ATP2B2: variants seen among roughly 807,000 people sequenced by gnomAD.
ATP2B2 encodes plasma membrane calcium-transporting ATPase 2.
Under a neutral mutation model 120.0 loss-of-function variants are expected in ATP2B2, and 15 were observed. That is an observed-to-expected ratio of 0.12 (90% CI 0.08 to 0.19). The LOEUF is 0.19. ATP2B2 is among the 10% of genes least tolerant of loss of function. The probability of loss-of-function intolerance (pLI) is 1.00; values close to 1 mark genes in which losing one functional copy is unlikely to be tolerated. For missense variants in ATP2B2, 1,045 were observed against 1,719.8 expected (o/e 0.61, Z 6.94); for synonymous variants, 694 against 700.3 (o/e 0.99, Z 0.14).
chr3:10,593,140 G>T (rs780897298), intron 2 of ATP2B2, among the ~76,000 whole-genome samples: 2 of 152,186 alleles, frequency 1.3e-5, no homozygotes, highest in Non-Finnish European at 2.9e-5. Context: ...CTGCTATCAG[G>T]TTAGAGATGG....
At chr3:10,591,101 C>G (rs1337828602) in intron 2 of ATP2B2, among the ~76,000 whole-genome samples, 1 of 152,010 alleles carries the variant, frequency 6.6e-6, no homozygotes, top group Non-Finnish European at 1.5e-5. Context: ...CCTAAGTCAA[C>G]TCACCCTTCT....
chr3:10,588,916 G>A (rs563367774), intron 2 of ATP2B2, among the ~76,000 whole-genome samples: 26 of 152,316 alleles, frequency 1.7e-4, no homozygotes, highest in African/African-American at 5.5e-4. Flanking sequence ...AGTTGTCTGC[G>A]GCTGGCAGTG....
intron 1 of ATP2B2, among the ~76,000 whole-genome samples, chr3:10,676,152 G>A (rs2071237015): frequency 6.6e-6 from 1 of 152,226 alleles, no homozygotes; most frequent in African/African-American, 2.4e-5. Flanking sequence ...GAAGAAGGAA[G>A]AAAGGAAGGA....
At chr3:10,336,346 C>T (rs767773820) in intron 22 of ATP2B2, 2 of 1,532,950 alleles carry the variant, frequency 1.3e-6, no homozygotes. Flanking sequence ...AGAACGAGCA[C>T]AACGGCTACA....
intron 5 of ATP2B2, among the ~76,000 whole-genome samples, chr3:10,396,126 G>C (rs1215501398): frequency 6.6e-6 from 1 of 152,250 alleles, no homozygotes; most frequent in Non-Finnish European, 1.5e-5. Context: ...CTGAGGGGCA[G>C]AGGCCACAGT....
chr3:10,585,945 A>G (rs541227855), intron 2 of ATP2B2, among the ~76,000 whole-genome samples: 1 of 152,332 alleles, frequency 6.6e-6, no homozygotes, highest in East Asian at 1.9e-4. Context: ...ACCATGGGCT[A>G]TCTCCTATCT....
rs1317189011 is a variant in ATP2B2, at chr3:10,342,033, C to G, written c.2917+719G>C. ...TTCCATGTGGGACTGCGGGCCAGAC[C>G]CTTCCCCTCTCTGGGCCTCTGTTTC... On this transcript the variant is annotated intron_variant, in intron 19 of 22. Coordinates refer to ENST00000360273, the MANE Select transcript of ATP2B2 (RefSeq NM_001001331.4). The surrounding 1 kb of genome is among the most constrained non-coding windows in gnomAD (Gnocchi z 4.4). Among the ~76,000 whole-genome samples the G allele has an allele frequency of 6.6e-6, 1 of 152,208 alleles. No individual in the cohort carries two copies. Among genetic ancestry groups the G allele is most frequent in the Non-Finnish European group, 1.5e-5 (1 of 68,036 alleles).
intron 1 of ATP2B2, among the ~76,000 whole-genome samples, chr3:10,453,745 A>T (rs2064150093): frequency 6.6e-6 from 1 of 152,172 alleles, no homozygotes; most frequent in Non-Finnish European, 1.5e-5. Context: ...CGTTAGCAGC[A>T]ATTATATCTG....
Position 10,402,259 on chromosome 3 carries a change from A to T in ATP2B2, c.487T>A (p.Cys163Ser). ...TTGAAGGCCGTGACCAGGACCACAC[A>T]GATAACTGAGAGGAGAATGGCGGCC... is the stretch of plus-strand genomic sequence containing the variant. ...EGAAILLSVICVVLVTAFNDW... is the reference protein window; with the variant it reads ...EGAAILLSVISVVLVTAFNDW... Residue 163 changes from cysteine to serine, a missense_variant, in exon 4 of 23, where the codon TGT becomes AGT. Cys to Ser is a moderately radical substitution (Grantham distance 112). This residue lies in a region of ATP2B2 where 30 missense variants were observed against 66.7 expected (regional missense o/e 0.45). Coordinates refer to ENST00000360273, the MANE Select transcript of ATP2B2 (RefSeq NM_001001331.4). The surrounding 1 kb of genome is among the most constrained non-coding windows in gnomAD (Gnocchi z 4.9). 6.2e-7 allele frequency: 1 copy of T among 1,614,138 alleles called. No homozygotes were observed. Among genetic ancestry groups the T allele is most frequent in the Non-Finnish European group, 8.5e-7 (1 of 1,180,032 alleles).
At chr3:10,444,013 T>G (rs990697018) in intron 2 of ATP2B2, among the ~76,000 whole-genome samples, 1 of 152,150 alleles carries the variant, frequency 6.6e-6, no homozygotes, top group Non-Finnish European at 1.5e-5. Flanking sequence ...CCCCTGCATT[T>G]ATTTGAGAAG....
chr3:10,328,158 C>T lies in ATP2B2; in HGVS notation c.*656G>A, dbSNP rs56340609. 3 of 150,260 alleles carry T rather than the reference C, an allele frequency of 2.0e-5. No individual in the cohort carries two copies. The highest frequency in any genetic ancestry group is 3.0e-5 in the Non-Finnish European group (2 of 67,638). 9.3% of individuals were successfully genotyped at this position (150,260 alleles called of 1,614,324 possible). ...ATATATATCTACCTATCTATATGGACGTATACAGTCTCGGAAAAGTATACG... is the reference window on the plus strand; with the variant it reads ...ATATATATCTACCTATCTATATGGATGTATACAGTCTCGGAAAAGTATACG... On this transcript the variant is annotated 3_prime_UTR_variant, in exon 23 of 23. Transcript: ENST00000360273.
chr3:10,491,083 G>T (rs1290899075), intron 1 of ATP2B2, among the ~76,000 whole-genome samples: 1 of 152,068 alleles, frequency 6.6e-6, no homozygotes, highest in Non-Finnish European at 1.5e-5. Context: ...CCCTTGCTCT[G>T]GGTCTCAGGG....
chr3:10,558,172 G>T (rs907795595), intron 2 of ATP2B2, among the ~76,000 whole-genome samples: 1 of 152,116 alleles, frequency 6.6e-6, no homozygotes, highest in Non-Finnish European at 1.5e-5. Context: ...CTGCCTTTGG[G>T]GAAATGCTCA....
chr3:10,427,887 C>T (rs2063192261), intron 2 of ATP2B2, among the ~76,000 whole-genome samples: 1 of 152,242 alleles, frequency 6.6e-6, no homozygotes, highest in Admixed American at 6.5e-5. Context: ...TTGGGTCTGC[C>T]TACCTTCCTG....
Position 10,385,251 on chromosome 3 carries a change from C to T in ATP2B2, c.1000+17G>A, listed in dbSNP as rs762646044. 70 of 1,612,424 alleles carry T rather than the reference C, an allele frequency of 4.3e-5. No individual in the cohort carries two copies. The highest frequency in any genetic ancestry group is 1.6e-4 in the Middle Eastern group (1 of 6,076). On this transcript the variant is annotated intron_variant, in intron 8 of 22. Coordinates refer to ENST00000360273, the MANE Select transcript of ATP2B2 (RefSeq NM_001001331.4). ...GCCCATCCAACCATGACCAGGAGCT[C>T]GCCGTGGGAGACATACCATTGACTA...
At chr3:10,655,658 T>C (rs9854692) in intron 1 of ATP2B2, among the ~76,000 whole-genome samples, 33,598 of 152,034 alleles carry the variant, frequency 0.22, 6,210 homozygotes, top group African/African-American at 0.5. Context: ...CCCATGTCCC[T>C]GGACTTACGT....
intron 2 of ATP2B2, among the ~76,000 whole-genome samples, chr3:10,594,468 C>CA (rs1411933076): frequency 1.4e-5 from 2 of 147,090 alleles, no homozygotes; most frequent in South Asian, 2.1e-4. Flanking sequence ...ATCGCAAGGA[C>CA]AAAAAACCAA....
rs531314050 is a variant in ATP2B2 at position 10,484,036 on chromosome 3, T to G, written c.-320+21429A>C. Among the ~76,000 whole-genome samples the G allele has an allele frequency of 2.6e-5, 4 of 152,324 alleles. No homozygotes were observed. The South Asian group carries it at 8.3e-4, about 32-fold the overall frequency. ...CCATTTCTCTGCCACCTGCTTGCTT[T>G]GTGACCTTGAGCAACGACTAGGCCT... On this transcript the variant is annotated intron_variant, in intron 1 of 22. Coordinates refer to ENST00000360273, the MANE Select transcript of ATP2B2 (RefSeq NM_001001331.4).
chr3:10,517,696 TC>T (rs1435162444), intron 3 of ATP2B2, among the ~76,000 whole-genome samples: 3 of 152,152 alleles, frequency 2.0e-5, no homozygotes, highest in African/African-American at 7.2e-5. Flanking sequence ...AAGCTTGTCA[TC>T]CCCATCTGAT....
Sources: allele counts gnomAD v4.1 joint callset (sites outside exome capture counted in the v4.1 genomes callset), GRCh38; gene constraint gnomAD v4.1.1; regional missense constraint gnomAD v4.1.1; non-coding constraint Gnocchi (gnomAD v3.1); transcripts MANE v1.5; gene names NCBI Gene and HGNC (gene_info 2026-07-23, HGNC 2026-07-21).